Variants in PHKA2 observed in about 807,000 individuals in gnomAD.
PHKA2 encodes phosphorylase b kinase regulatory subunit alpha, liver isoform.
In PHKA2, 31 loss-of-function variants were observed where a neutral mutation model predicts 102.0. That is an observed-to-expected ratio of 0.30 (90% CI 0.23 to 0.41). The LOEUF (loss-of-function observed/expected upper bound fraction) is 0.41. PHKA2 is among the 10% of genes least tolerant of loss of function. The pLI is 1.00. For missense variants in PHKA2, 858 were observed against 1,023.1 expected, an observed-to-expected ratio of 0.84 and a Z score of 2.20; for synonymous variants, 455 against 416.2, an observed-to-expected ratio of 1.09 and a Z score of -1.13.
intron 1 of PHKA2, among the ~76,000 whole-genome samples, chrX:18,970,717 A>G (rs904192242): frequency 2.7e-5 from 3 of 111,887 alleles, no homozygotes; most frequent in Non-Finnish European, 5.6e-5. Flanking sequence ...TCACCATCTC[A>G]AATTGCTTTC....
intron 27 of PHKA2, among the ~76,000 whole-genome samples, chrX:18,901,056 G>T (rs1399171744): frequency 9.7e-6 from 1 of 103,152 alleles, no homozygotes; most frequent in East Asian, 3.1e-4. Flanking sequence ...ACTAAGAAAA[G>T]AGACCCCTGT....
At chrX:18,951,450 G>A (rs1044552172) in intron 3 of PHKA2, among the ~76,000 whole-genome samples, 178 bp from the exon 4 acceptor site, 1 of 111,619 alleles carries the variant, frequency 9.0e-6, no homozygotes, top group Admixed American at 9.5e-5. Context: ...GATTCTTTTC[G>A]CCCACTTGCC....
In PHKA2 at chrX:18,910,208, A is replaced by G. The variant is rs145693701; in HGVS notation, c.2226+664T>C. On this transcript the variant is annotated intron_variant, in intron 20 of 32. Transcript: ENST00000379942. ...ATTAAGAGCATTAGGAGCCAGGTGCAGTGGCTTGCGCCTGTAATCCCAGCA... is the reference window on the plus strand; with the variant it reads ...ATTAAGAGCATTAGGAGCCAGGTGCGGTGGCTTGCGCCTGTAATCCCAGCA... Among the ~76,000 whole-genome samples the G allele has an allele frequency of 4.3e-3, 490 of 112,795 alleles. 4 individuals are homozygous for G. The highest frequency in any genetic ancestry group is 0.015 in the African/African-American group (457 of 31,115).
At chrX:18,918,541 T>C (rs1396463721) in intron 19 of PHKA2, 140 bp downstream of exon 19, 3 of 527,447 alleles carry the variant, frequency 5.7e-6, no homozygotes, top group Non-Finnish European at 1.0e-5. Context: ...GCTAAAAGAG[T>C]TGAAAGTGGT....
intron 17 of PHKA2, 124 bp from the exon 18 acceptor site, chrX:18,920,325 G>A: frequency 1.9e-6 from 1 of 523,731 alleles, no homozygotes; most frequent in East Asian, 3.4e-5. Flanking sequence ...ATATCACTCT[G>A]CAGATTGCCC....
chrX:18,930,801 T>C (rs376536027), intron 12 of PHKA2, among the ~76,000 whole-genome samples: 9 of 111,269 alleles, frequency 8.1e-5, no homozygotes, highest in South Asian at 3.8e-4. Flanking sequence ...GTAGTGTTCC[T>C]GAGGGCTGCT....
intron 17 of PHKA2, among the ~76,000 whole-genome samples, chrX:18,921,332 G>A (rs1219906249): frequency 9.0e-6 from 1 of 111,017 alleles, no homozygotes; most frequent in Non-Finnish European, 1.9e-5. Context: ...GAGAGGCTGA[G>A]ACAGAACTGC....
chrX:18,922,583 G>A (rs545893072), intron 17 of PHKA2, among the ~76,000 whole-genome samples: 4 of 110,951 alleles, frequency 3.6e-5, no homozygotes, highest in South Asian at 7.6e-4. Context: ...TAACTTTGGG[G>A]ACATCATGTG....
At chrX:18,903,554 G>C (rs2047740161) in intron 26 of PHKA2, among the ~76,000 whole-genome samples, 1 of 112,557 alleles carries the variant, frequency 8.9e-6, no homozygotes, top group Non-Finnish European at 1.9e-5. Flanking sequence ...GCGGGGTCTG[G>C]AGGAGAGCCC....
chrX:18,950,494 G>A (rs936463004), intron 4 of PHKA2, among the ~76,000 whole-genome samples: 6 of 112,349 alleles, frequency 5.3e-5, no homozygotes, highest in African/African-American at 1.6e-4. Context: ...CCAGCTCAAC[G>A]GCCTTTACCC....
chrX:18,901,527 A>G lies in PHKA2; in HGVS notation c.2985T>C (p.Thr995=). Residue 995 remains threonine (T), a synonymous_variant, in exon 27 of 33, where the codon ACT becomes ACC. Coordinates refer to ENST00000379942, the MANE Select transcript of PHKA2 (RefSeq NM_000292.3). The part of the protein sequence containing the change: ...HEVGHTGVTK[T]ERSGINRLRS... ...TCAGTCTGTTAATGCCACTCCTCTC[A>G]GTTTTGGTGACTCCGGTATGGCCCA... The G allele has an allele frequency of 8.3e-7, 1 of 1,202,372 alleles. No homozygotes were observed. Among genetic ancestry groups the G allele is most frequent in the Non-Finnish European group, 1.1e-6 (1 of 888,926 alleles).
chrX:18,924,081 C>T lies in PHKA2; in HGVS notation c.1768G>A (p.Glu590Lys). The change falls in exon 17 of 33, where the codon GAG becomes AAG. Residue 590 changes from glutamate (E) to lysine (K), a missense_variant. Coordinates refer to ENST00000379942, the MANE Select transcript of PHKA2 (RefSeq NM_000292.3). The stretch of plus-strand genomic sequence containing the variant: ...CTGGCTCCTCCAAAATATCCATCCT[C>T]TAGTTTTCTAATTGTGGAGAGCACA... The part of the protein sequence containing the change: ...SAVLSTIRKL[E>K]DGYFGGARVK... The T allele has an allele frequency of 8.3e-7, 1 of 1,204,121 alleles. No individual in the cohort carries two copies. The highest frequency in any genetic ancestry group is 1.1e-6 in the Non-Finnish European group (1 of 888,323).
At chrX:18,897,123 G>C in intron 30 of PHKA2, 40 bp downstream of exon 30, 2 of 1,199,252 alleles carry the variant, frequency 1.7e-6, no homozygotes, top group Non-Finnish European at 2.3e-6. Context: ...GGACAGTAAG[G>C]GGACGGTTCA....
At chrX:18,941,697 G>A in intron 7 of PHKA2, 22 bp from the exon 8 acceptor site, 1 of 1,105,069 alleles carries the variant, frequency 9.0e-7, no homozygotes, top group Non-Finnish European at 1.3e-6. Context: ...ACAAAGAGGT[G>A]GTTTAACCTG....
chrX:18,982,289 G>A (rs777381365), intron 1 of PHKA2, among the ~76,000 whole-genome samples: 4 of 111,591 alleles, frequency 3.6e-5, no homozygotes, highest in African/African-American at 6.5e-5. Context: ...AAGTGTTTTC[G>A]TAAGTTTGCA....
chrX:18,932,026 G>A (rs1404702998), intron 11 of PHKA2, among the ~76,000 whole-genome samples: 3 of 112,407 alleles, frequency 2.7e-5, no homozygotes, highest in African/African-American at 9.7e-5. Flanking sequence ...TGCCTGCTTT[G>A]CGCACAGCTC....
chrX:18,933,054 C>A (rs769052846), intron 11 of PHKA2, among the ~76,000 whole-genome samples: 2 of 108,260 alleles, frequency 1.8e-5, no homozygotes, highest in East Asian at 5.8e-4. Flanking sequence ...GCAGAGGTTG[C>A]AGTGAGACAA....
At chrX:18,913,883 G>A (rs1167214192) in intron 19 of PHKA2, among the ~76,000 whole-genome samples, 2 of 111,932 alleles carry the variant, frequency 1.8e-5, no homozygotes, top group African/African-American at 6.5e-5. Flanking sequence ...GTCTTCAGGG[G>A]CAGTAATGTA....
chrX:18,922,737 C>G (rs933246063), intron 17 of PHKA2, among the ~76,000 whole-genome samples: 2 of 111,508 alleles, frequency 1.8e-5, no homozygotes, highest in Non-Finnish European at 3.8e-5. Flanking sequence ...AATGGGTGTA[C>G]AGTTTTACTT....
Sources: gnomAD v4.1 joint callset for allele counts (sites outside exome capture counted in the v4.1 genomes callset) on GRCh38, gnomAD v4.1.1 for gene constraint, MANE v1.5 for transcripts, NCBI Gene and HGNC (gene_info 2026-07-23, HGNC 2026-07-21) for gene names.